INVS: variants seen among roughly 807,000 people sequenced by gnomAD.
INVS encodes the protein inversion of embryo turning homolog.
In INVS, 86 loss-of-function variants were observed where a neutral mutation model predicts 108.8. The ratio of observed to expected loss-of-function variants is 0.79; its 90% CI spans 0.66 to 0.95. The LOEUF (loss-of-function observed/expected upper bound fraction) is 0.95, where lower values mean the gene tolerates loss of function less well. Ranked by LOEUF, INVS falls within the 40% of genes least tolerant of loss-of-function variation. INVS has a pLI of 0.00. For missense variants in INVS, 1,169 were observed against 1,297.4 expected (o/e 0.90, Z 1.52); for synonymous variants, 455 against 473.5 (o/e 0.96, Z 0.51).
chr9:100,174,298 C>A (rs1272403181), intron 3 of INVS, among the ~76,000 whole-genome samples: 1 of 151,716 alleles, frequency 6.6e-6, no homozygotes, highest in Non-Finnish European at 1.5e-5. Flanking sequence ...AATTCTAGAA[C>A]TGAAAACTAC....
chr9:100,169,532 A>G (rs1225257886), intron 3 of INVS, among the ~76,000 whole-genome samples: 2 of 152,238 alleles, frequency 1.3e-5, no homozygotes, highest in African/African-American at 4.8e-5. Context: ...TAAATGTTAA[A>G]CACAATTTTA....
intron 4 of INVS, among the ~76,000 whole-genome samples, 167 bp downstream of exon 4, chr9:100,226,402 T>C (rs955807652): frequency 5.3e-5 from 8 of 152,226 alleles, no homozygotes; most frequent in African/African-American, 1.9e-4. Context: ...TTCTGTCATT[T>C]TATCCTCTCA....
chr9:100,139,399 G>A (rs534355070), intron 3 of INVS, among the ~76,000 whole-genome samples: 4 of 152,168 alleles, frequency 2.6e-5, no homozygotes, highest in African/African-American at 9.6e-5. Context: ...ACCTTTCAGA[G>A]GTCTCATCTA....
chr9:100,104,663 C>G (rs747137743), intron 2 of INVS, 36 bp downstream of exon 2: 2 of 1,388,668 alleles, frequency 1.4e-6, no homozygotes, highest in Admixed American at 3.4e-5. Context: ...ACTTTAAAAG[C>G]AACTGTTTGT....
intron 3 of INVS, among the ~76,000 whole-genome samples, chr9:100,182,458 G>A (rs1829920223): frequency 6.6e-6 from 1 of 152,114 alleles, no homozygotes; most frequent in East Asian, 1.9e-4. Context: ...TATATAAACA[G>A]ACACGTCTCA....
intron 7 of INVS, among the ~76,000 whole-genome samples, chr9:100,244,463 A>G: frequency 6.6e-6 from 1 of 152,122 alleles, no homozygotes; most frequent in Non-Finnish European, 1.5e-5. Flanking sequence ...CAAAATTTAG[A>G]CTCCAAATTT....
At chr9:100,258,000 T>C (rs1832479967) in intron 10 of INVS, among the ~76,000 whole-genome samples, 1 of 152,250 alleles carries the variant, frequency 6.6e-6, no homozygotes, top group Non-Finnish European at 1.5e-5. Flanking sequence ...TCCTGAACAG[T>C]GTTTTCCAAC....
chr9:100,146,136 A>ATTT (rs1383217005), intron 3 of INVS, among the ~76,000 whole-genome samples: 83 of 152,250 alleles, frequency 5.5e-4, no homozygotes, highest in Non-Finnish European at 1.0e-3. Context: ...CTGTGTAAAG[A>ATTT]GACCAACAAG....
intron 3 of INVS, among the ~76,000 whole-genome samples, chr9:100,222,993 A>C (rs1831199730): frequency 6.6e-6 from 1 of 152,134 alleles, no homozygotes; most frequent in Non-Finnish European, 1.5e-5. Flanking sequence ...ATTAAAAAGT[A>C]AGAATAACCA....
intron 3 of INVS, among the ~76,000 whole-genome samples, chr9:100,185,919 GT>G (rs1478064249): frequency 6.6e-6 from 1 of 152,022 alleles, no homozygotes; most frequent in Non-Finnish European, 1.5e-5. Flanking sequence ...TTGTATATAT[GT>G]TCCACATTTT....
chr9:100,225,239 G>A (rs1831279221), intron 3 of INVS, among the ~76,000 whole-genome samples: 1 of 151,376 alleles, frequency 6.6e-6, no homozygotes, highest in South Asian at 2.1e-4. Context: ...TCGTAGAGAT[G>A]GGGTTTCACC....
chr9:100,267,241 G>A (rs954299339), intron 11 of INVS, among the ~76,000 whole-genome samples: 2 of 151,902 alleles, frequency 1.3e-5, no homozygotes, highest in African/African-American at 2.4e-5. Context: ...ACTGCCTCCC[G>A]GAATAAACAT....
intron 3 of INVS, among the ~76,000 whole-genome samples, chr9:100,158,585 A>G (rs1248736089): frequency 6.6e-6 from 1 of 152,224 alleles, no homozygotes; most frequent in African/African-American, 2.4e-5. Flanking sequence ...TACTTAGCTC[A>G]GTTCCTGGCA....
chr9:100,170,763 T>C (rs562766679), intron 3 of INVS, among the ~76,000 whole-genome samples: 1 of 152,238 alleles, frequency 6.6e-6, no homozygotes, highest in East Asian at 1.9e-4. Flanking sequence ...CTTATAATCC[T>C]TATTATTCAC....
At chr9:100,182,263 G>T (rs974104225) in intron 3 of INVS, among the ~76,000 whole-genome samples, 1 of 152,038 alleles carries the variant, frequency 6.6e-6, no homozygotes, top group Non-Finnish European at 1.5e-5. Flanking sequence ...AAATTGACAA[G>T]TGGGATCTAA....
intron 3 of INVS, chr9:100,215,179 T>C (rs570821450): frequency 5.3e-5 from 8 of 152,276 alleles, no homozygotes; most frequent in African/African-American, 1.2e-4. Flanking sequence ...ACCTTATCAG[T>C]TGAACAAAAT....
intron 3 of INVS, among the ~76,000 whole-genome samples, chr9:100,176,532 A>C (rs774570667): frequency 6.6e-6 from 1 of 152,112 alleles, no homozygotes; most frequent in Non-Finnish European, 1.5e-5. Context: ...GCTAGAGTGC[A>C]GTGGTGCGAT....
intron 10 of INVS, among the ~76,000 whole-genome samples, chr9:100,254,533 G>C (rs567492606): frequency 1.3e-5 from 2 of 152,120 alleles, no homozygotes; most frequent in African/African-American, 4.8e-5. Context: ...TTTCTTCTAG[G>C]GTTTTTATGG....
chr9:100,225,060 T>C (rs1831269416), intron 3 of INVS, among the ~76,000 whole-genome samples: 1 of 150,678 alleles, frequency 6.6e-6, no homozygotes, highest in African/African-American at 2.5e-5. Context: ...CTTGGTTTTT[T>C]TGTTTTTTTT....
Sources: allele counts gnomAD v4.1 joint callset (sites outside exome capture counted in the v4.1 genomes callset), GRCh38; gene constraint gnomAD v4.1.1; transcripts MANE v1.5; gene names NCBI Gene and HGNC (gene_info 2026-07-23, HGNC 2026-07-21).